RFX4: variants seen among roughly 807,000 people sequenced by gnomAD.
RFX4 encodes transcription factor RFX4.
RFX4 carries 10 observed loss-of-function variants against 95.0 expected under a neutral mutation model. That is an observed-to-expected ratio of 0.11 (90% CI 0.06 to 0.18). RFX4 has a LOEUF of 0.18. RFX4 is among the 10% of genes least tolerant of loss of function. The probability of loss-of-function intolerance (pLI) is 1.00; values close to 1 mark genes in which losing one functional copy is unlikely to be tolerated. For missense variants in RFX4, 640 were observed against 922.0 expected, an observed-to-expected ratio of 0.69 and a Z score of 3.96; for synonymous variants, 321 against 340.7, an observed-to-expected ratio of 0.94 and a Z score of 0.64.
intron 4 of RFX4, among the ~76,000 whole-genome samples, chr12:106,666,382 T>C (rs1281437026): frequency 6.6e-6 from 1 of 152,110 alleles, no homozygotes; most frequent in East Asian, 1.9e-4. Context: ...TGGTTTGGCT[T>C]TTTGTTGTTT....
chr12:106,669,702 C>T (rs1336876279), intron 4 of RFX4, among the ~76,000 whole-genome samples: 1 of 142,008 alleles, frequency 7.0e-6, no homozygotes, highest in African/African-American at 2.5e-5. Flanking sequence ...TTCCAGTTCT[C>T]AAAGGAAAAA....
chr12:106,759,705 C>A lies in RFX4; in HGVS notation c.1936-1492C>A, dbSNP rs74569319. On this transcript the variant is annotated intron_variant, in intron 17 of 17. Transcript: ENST00000392842. ...AAAGCCTTGGCGTGCTGTCCATAGT[C>A]TCCTTGGCAACAGCCCTTGGTGCCT... is the stretch of plus-strand genomic sequence containing the variant. Among the ~76,000 whole-genome samples the A allele has an allele frequency of 3.1e-3, 478 of 152,302 alleles. 6 individuals are homozygous for A. The highest frequency in any genetic ancestry group is 0.011 in the African/African-American group (465 of 41,574).
At chr12:106,677,410 G>T (rs559882761) in intron 4 of RFX4, among the ~76,000 whole-genome samples, 1 of 152,136 alleles carries the variant, frequency 6.6e-6, no homozygotes, top group African/African-American at 2.4e-5. Flanking sequence ...ATTTCAGGCT[G>T]GGCAGCTGGG....
chr12:106,726,860 C>T (rs1256970319), intron 13 of RFX4, among the ~76,000 whole-genome samples: 1 of 152,152 alleles, frequency 6.6e-6, no homozygotes, highest in African/African-American at 2.4e-5. Context: ...CAACCTCCGC[C>T]TCCTGGGTTG....
At chr12:106,716,832 C>T (rs1023982722) in intron 11 of RFX4, among the ~76,000 whole-genome samples, 1 of 152,010 alleles carries the variant, frequency 6.6e-6, no homozygotes, top group Non-Finnish European at 1.5e-5. Flanking sequence ...ACTCTTATCA[C>T]CCCCACTTTA....
intron 4 of RFX4, among the ~76,000 whole-genome samples, chr12:106,658,878 T>A (rs986229469): frequency 3.9e-5 from 6 of 152,184 alleles, no homozygotes; most frequent in Admixed American, 3.3e-4. Context: ...TCTGTTATTG[T>A]GTTGGAAGCT....
chr12:106,625,134 T>C (rs1345976113), intron 2 of RFX4, among the ~76,000 whole-genome samples: 1 of 152,206 alleles, frequency 6.6e-6, no homozygotes, highest in East Asian at 1.9e-4. Flanking sequence ...TTAAGGAAAC[T>C]GAGGCTTAGA....
At chr12:106,630,040 C>A (rs1296129169) in intron 2 of RFX4, among the ~76,000 whole-genome samples, 1 of 152,228 alleles carries the variant, frequency 6.6e-6, no homozygotes, top group Non-Finnish European at 1.5e-5. Context: ...AACTGACCAT[C>A]TTTCCACCTT....
chr12:106,760,669 G>A (rs990006585), intron 17 of RFX4, among the ~76,000 whole-genome samples: 6 of 152,184 alleles, frequency 3.9e-5, no homozygotes, highest in African/African-American at 1.4e-4. Flanking sequence ...CCTGCTTTTA[G>A]GCTGAAGTTT....
At chr12:106,583,565 A>G in intron 1 of RFX4, 1 of 463,752 alleles carries the variant, frequency 2.2e-6, no homozygotes, top group Non-Finnish European at 3.7e-6. Context: ...TAAGCGTGTG[A>G]TTGTGTACGT....
intron 7 of RFX4, among the ~76,000 whole-genome samples, chr12:106,693,619 G>C (rs894121577): frequency 2.6e-5 from 4 of 152,166 alleles, no homozygotes; most frequent in Admixed American, 1.3e-4. Flanking sequence ...CTGGGATCAG[G>C]GGACAGTGGA....
At chr12:106,711,646 A>G in intron 10 of RFX4, 135 bp downstream of exon 10, 1 of 696,078 alleles carries the variant, frequency 1.4e-6, no homozygotes, top group Non-Finnish European at 2.5e-6. Context: ...ATTTCTACAG[A>G]TAAGGAATGA....
chr12:106,605,995 G>A (rs2039824433), intron 1 of RFX4, among the ~76,000 whole-genome samples: 1 of 152,164 alleles, frequency 6.6e-6, no homozygotes, highest in Non-Finnish European at 1.5e-5. Context: ...GAGGACAGGT[G>A]CTGCCGTGAG....
intron 1 of RFX4, chr12:106,583,573 CGTGT>C (rs1441331813): frequency 2.3e-6 from 1 of 430,536 alleles, no homozygotes; most frequent in Non-Finnish European, 4.0e-6. Context: ...TGATTGTGTA[CGTGT>C]GTGAGTGTGT....
intron 13 of RFX4, among the ~76,000 whole-genome samples, chr12:106,727,136 G>A (rs981132012): frequency 4.6e-5 from 7 of 151,890 alleles, no homozygotes; most frequent in Non-Finnish European, 2.9e-5. Flanking sequence ...AAATTTAGTG[G>A]CAAAATTTTT....
intron 10 of RFX4, 157 bp from the exon 11 acceptor site, chr12:106,715,243 C>G (rs1592973224): frequency 4.0e-6 from 3 of 751,040 alleles, no homozygotes; most frequent in Non-Finnish European, 6.3e-6. Flanking sequence ...TTCTGAGTTA[C>G]AGAGTCTTCT....
At position 106,623,326 on chromosome 12, in the gene RFX4, C is replaced by CATT. The variant is rs368274763; in HGVS notation, c.130+14445_130+14447dup. 4.5e-3 allele frequency among the ~76,000 whole-genome samples: 686 copies of CATT among 152,232 alleles called. 4 individuals are homozygous for CATT. The highest frequency in any genetic ancestry group is 0.016 in the African/African-American group (664 of 41,550). On this transcript the variant is annotated intron_variant, in intron 2 of 17. Transcript: ENST00000392842. Reference sequence around the variant, plus strand: ...GCATGAGCCACTGTGCCTGACCCAGCATTAGTCTTTTATAGTGTTTTTTGC... The same window carrying CATT: ...GCATGAGCCACTGTGCCTGACCCAGCATTATTAGTCTTTTATAGTGTTTTTTGC...
At chr12:106,672,799 A>G (rs988919950) in intron 4 of RFX4, among the ~76,000 whole-genome samples, 1 of 150,220 alleles carries the variant, frequency 6.7e-6, no homozygotes. Flanking sequence ...CCCTTCCCAC[A>G]GGTTTTTGTT....
At chr12:106,601,675 A>G (rs948646865) in intron 1 of RFX4, among the ~76,000 whole-genome samples, 1 of 152,210 alleles carries the variant, frequency 6.6e-6, no homozygotes, top group Non-Finnish European at 1.5e-5. Context: ...CTGCTTGAAC[A>G]CCACGGCTGG....
Sources: gnomAD v4.1 joint callset for allele counts (sites outside exome capture counted in the v4.1 genomes callset) on GRCh38, gnomAD v4.1.1 for gene constraint, MANE v1.5 for transcripts, NCBI Gene and HGNC (gene_info 2026-07-23, HGNC 2026-07-21) for gene names.